Variants in POLR3A observed in about 807,000 individuals in gnomAD.
POLR3A encodes DNA-directed RNA polymerase III subunit RPC1.
In POLR3A, 112 loss-of-function variants were observed where a neutral mutation model predicts 152.8. That is an observed-to-expected ratio of 0.73 (90% CI 0.63 to 0.86). The LOEUF (loss-of-function observed/expected upper bound fraction) is 0.86. POLR3A is among the 40% of genes least tolerant of loss of function. The pLI, the probability that POLR3A is intolerant of heterozygous loss-of-function variation, is 0.00. For synonymous variants in POLR3A, 615 were observed against 652.1 expected, an observed-to-expected ratio of 0.94 and a Z score of 0.87; for missense variants, 1,385 against 1,743.1, an observed-to-expected ratio of 0.79 and a Z score of 3.66.
Position 77,977,622 on chromosome 10 carries a change from C to T in POLR3A, c.4029G>A (p.Val1343=). Residue 1343 remains valine (V), a synonymous_variant, in exon 31 of 31, where the codon GTG becomes GTA. Transcript: ENST00000372371. ...YFGQKDSVCG[V]SECIIMGIPM... is the part of the protein sequence containing the mutation. ...GGATTCCCATGATGATGCACTCAGACACCCCTGAAACCAACCAGAATGAAC... is the reference window on the plus strand; with the variant it reads ...GGATTCCCATGATGATGCACTCAGATACCCCTGAAACCAACCAGAATGAAC... The T allele has an allele frequency of 6.2e-7, 1 of 1,613,586 alleles. No individual in the cohort carries two copies. The highest frequency in any genetic ancestry group is 1.1e-5 in the South Asian group (1 of 91,064).
At chr10:78,005,232 C>T (rs1014761674) in intron 15 of POLR3A, among the ~76,000 whole-genome samples, 1 of 152,224 alleles carries the variant, frequency 6.6e-6, no homozygotes, top group Non-Finnish European at 1.5e-5. Flanking sequence ...TGCAGTGGCT[C>T]ACGCCTATAA....
intron 18 of POLR3A, 67 bp downstream of exon 18, chr10:78,000,909 T>G (rs979320754): frequency 5.9e-6 from 5 of 848,918 alleles, no homozygotes; most frequent in Non-Finnish European, 8.0e-6. Flanking sequence ...TGAATAGGTC[T>G]GTGTTCCTTG....
At chr10:78,003,740 T>C (rs574005411) in intron 16 of POLR3A, among the ~76,000 whole-genome samples, 2 of 151,664 alleles carry the variant, frequency 1.3e-5, no homozygotes, top group East Asian at 3.9e-4. Flanking sequence ...CTGGCCAACA[T>C]GGCAAAACCC....
intron 19 of POLR3A, among the ~76,000 whole-genome samples, chr10:77,997,703 C>A (rs1166138091): frequency 1.3e-5 from 2 of 152,090 alleles, no homozygotes; most frequent in Non-Finnish European, 2.9e-5. Context: ...TAGGAAGAAT[C>A]AATATCGTGA....
At chr10:78,011,852 A>G (rs1033188703) in intron 11 of POLR3A, among the ~76,000 whole-genome samples, 2 of 152,344 alleles carry the variant, frequency 1.3e-5, no homozygotes, top group South Asian at 4.1e-4. Context: ...CATGGTAACT[A>G]AGGATTCTTC....
chr10:78,013,567 TGTG>T, intron 11 of POLR3A, 80 bp downstream of exon 11: 2 of 1,394,686 alleles, frequency 1.4e-6, no homozygotes, highest in South Asian at 1.2e-5. Context: ...CGTTGTTAGT[TGTG>T]GTGGTGTTTT....
At chr10:78,027,782 C>A (rs1847651625) in intron 1 of POLR3A, among the ~76,000 whole-genome samples, 1 of 152,182 alleles carries the variant, frequency 6.6e-6, no homozygotes, top group Non-Finnish European at 1.5e-5. Context: ...TGGTCTTGAA[C>A]TTCTGACCTC....
intron 13 of POLR3A, 46 bp downstream of exon 13, chr10:78,009,818 G>A (rs776668984): frequency 6.8e-6 from 11 of 1,610,350 alleles, no homozygotes; most frequent in South Asian, 1.1e-5. Flanking sequence ...TACCCCCACA[G>A]ACACATACAC....
intron 21 of POLR3A, among the ~76,000 whole-genome samples, chr10:77,990,379 T>C (rs1013990610): frequency 1.3e-5 from 2 of 152,124 alleles, no homozygotes; most frequent in Non-Finnish European, 2.9e-5. Context: ...CTAATAATTA[T>C]TGGGATTCAG....
rs182756569 is a variant in POLR3A at position 77,991,243 on chromosome 10, A to G, written c.2788-76T>C. 1.9e-5 allele frequency: 16 copies of G among 848,336 alleles called. 1 individual carries two copies. In the East Asian group the frequency reaches 3.7e-4, roughly 20 times the overall value. The allele number at this position is 848,336 out of a possible 1,614,324, so 52.6% of individuals were successfully genotyped here. A position where few individuals can be genotyped will look rare whatever the true frequency, so the allele number is the denominator to read the frequency against. ...GCGGTAGTAGATGAGAGAACTTACA[A>G]AGGATAAAATGACCTTACCCAAGGT... is the stretch of plus-strand genomic sequence containing the variant. On this transcript the variant is annotated intron_variant, in intron 20 of 30. Coordinates refer to ENST00000372371, the MANE Select transcript of POLR3A (RefSeq NM_007055.4).
intron 19 of POLR3A, 95 bp from the exon 20 acceptor site, chr10:77,993,462 A>G: frequency 1.1e-6 from 1 of 911,486 alleles, no homozygotes; most frequent in South Asian, 1.4e-5. Flanking sequence ...CAAGGTTACA[A>G]GCACTTTAAT....
chr10:78,022,494 GACA>G, intron 5 of POLR3A, 110 bp from the exon 6 acceptor site: 4 of 1,113,890 alleles, frequency 3.6e-6, no homozygotes, highest in Non-Finnish European at 5.3e-6. Flanking sequence ...AAGGATAAGT[GACA>G]ACAGAGATTT....
chr10:78,009,417 C>A lies in POLR3A; in HGVS notation c.1909+120G>T, dbSNP rs187287839. 227 of 1,412,738 alleles carry A rather than the reference C, an allele frequency of 1.6e-4. 2 individuals are homozygous for A. The East Asian group carries it at 3.9e-3, about 25-fold the overall frequency. 87.5% of individuals were successfully genotyped at this position (1,412,738 alleles called of 1,614,324 possible). A position where few individuals can be genotyped will look rare whatever the true frequency, so the allele number is the denominator to read the frequency against. On this transcript the variant is annotated intron_variant, in intron 14 of 30. Transcript: ENST00000372371. ...TTTTCCTGAAGAAAAAACTTTCCAC[C>A]TAAGGCTTACAGAAACAATGAATTT...
intron 25 of POLR3A, 79 bp from the exon 26 acceptor site, chr10:77,984,091 G>A: frequency 7.8e-7 from 1 of 1,278,738 alleles, no homozygotes; most frequent in South Asian, 1.2e-5. Context: ...CTTTTTTGAA[G>A]AGCTTGAGTA....
rs780839834 is a variant in POLR3A, at chr10:78,004,844, G to A, written c.2119C>T (p.Gln707Ter). The A allele has an allele frequency of 2.0e-5, 33 of 1,614,066 alleles. No homozygotes were observed. The highest frequency in any genetic ancestry group is 2.8e-5 in the Non-Finnish European group (33 of 1,179,964). Residue 707 changes from glutamine to a stop codon, truncating the protein, a stop_gained, in exon 16 of 31, where the codon CAA becomes TAA. Transcript: ENST00000372371. LOFTEE classifies it high-confidence loss of function. ...SIGIGDVTPG[Q>*]GLLKAKYELL... ...TCATACTTGGCCTTCAGCAGTCCTT[G>A]GCCAGGTGTGACATCACCGATCCCA...
chr10:77,989,355 G>A (rs1005027839), intron 21 of POLR3A, among the ~76,000 whole-genome samples: 2 of 152,172 alleles, frequency 1.3e-5, no homozygotes, highest in African/African-American at 2.4e-5. Flanking sequence ...GCTCTGATAC[G>A]GGCTAGGGCT....
Position 78,003,286 on chromosome 10 carries a change from T to TTA in POLR3A, c.2248-979_2248-978insTA, listed in dbSNP as rs1847374712. Among the ~76,000 whole-genome samples, 8 of 152,348 alleles carry TTA rather than the reference T, an allele frequency of 5.3e-5. No individual in the cohort carries two copies. In the South Asian group the frequency reaches 1.7e-3, roughly 32 times the overall value. ...AGATTAAGAATGAGCTAATGGTAAA[T>TTA]ACCTCACAAAATTCTGGTTTCTCCC... On this transcript the variant is annotated intron_variant, in intron 16 of 30. Coordinates refer to ENST00000372371, the MANE Select transcript of POLR3A (RefSeq NM_007055.4).
Position 78,029,432 on chromosome 10 carries a change from T to C in POLR3A, c.-25A>G, listed in dbSNP as rs1847670462. The C allele has an allele frequency of 1.2e-6, 2 of 1,613,528 alleles. No individual in the cohort carries two copies. Among genetic ancestry groups the C allele is most frequent in the African/African-American group, 2.7e-5 (2 of 74,904 alleles). ...TGATGACCGCTGCCGGGACGCCTCCTTGGCACTCGGGAGGCCAGATTAGAG... is the reference window on the plus strand; with the variant it reads ...TGATGACCGCTGCCGGGACGCCTCCCTGGCACTCGGGAGGCCAGATTAGAG... On this transcript the variant is annotated 5_prime_UTR_variant, in exon 1 of 31. Coordinates refer to ENST00000372371, the MANE Select transcript of POLR3A (RefSeq NM_007055.4).
intron 14 of POLR3A, 23 bp downstream of exon 14, chr10:78,009,514 C>A: frequency 1.2e-6 from 2 of 1,614,210 alleles, no homozygotes; most frequent in South Asian, 2.2e-5. Flanking sequence ...CTCCTTCTCC[C>A]CACCCGAGTT....
Sources: allele counts gnomAD v4.1 joint callset (sites outside exome capture counted in the v4.1 genomes callset), GRCh38; gene constraint gnomAD v4.1.1; transcripts MANE v1.5; gene names NCBI Gene and HGNC (gene_info 2026-07-23, HGNC 2026-07-21).